SAMD14: variants seen among roughly 807,000 people sequenced by gnomAD.
SAMD14 encodes the protein sterile alpha motif domain-containing protein 14.
Under a neutral mutation model 46.2 loss-of-function variants are expected in SAMD14, and 27 were observed. The observed-to-expected ratio is 0.58, with a 90% CI of 0.43 to 0.81. The LOEUF is 0.81. Among genes scored for constraint, SAMD14 ranks in the 30% least tolerant of loss-of-function variants. SAMD14 has a pLI of 0.00. For synonymous variants in SAMD14, 241 were observed against 254.3 expected (o/e 0.95, Z 0.50); for missense variants, 559 against 582.2 (o/e 0.96, Z 0.41).
intron 1 of SAMD14, among the ~76,000 whole-genome samples, chr17:50,128,512 A>ACACC (rs56176180): frequency 7.3e-6 from 1 of 137,196 alleles, no homozygotes; most frequent in Non-Finnish European, 1.6e-5. Flanking sequence ...ACACACACAC[A>ACACC]CCCCCATTCA....
chr17:50,113,709 G>C lies in SAMD14; in HGVS notation c.1098+215C>G, dbSNP rs921853487. 18 of 590,296 alleles carry C rather than the reference G, an allele frequency of 3.0e-5. No individual in the cohort carries two copies. In the Middle Eastern group the frequency reaches 1.4e-3, roughly 44 times the overall value. 36.6% of individuals were successfully genotyped at this position (590,296 alleles called of 1,614,324 possible). A position where few individuals can be genotyped will look rare whatever the true frequency, so the allele number is the denominator to read the frequency against. On this transcript the variant is annotated intron_variant, in intron 9 of 9. Coordinates refer to ENST00000330175, the MANE Select transcript of SAMD14 (RefSeq NM_001257359.2). The stretch of plus-strand genomic sequence containing the variant: ...GGTCACACTGAAGTCATGGACTAGA[G>C]TTTCAAGTCAAACTAGGGATTCATG...
At position 50,118,288 on chromosome 17, in the gene SAMD14, C is replaced by T; in HGVS notation, c.83G>A (p.Ser28Asn). 6.2e-7 allele frequency: 1 copy of T among 1,613,868 alleles called. No homozygotes were observed. Residue 28 changes from serine to asparagine, a missense_variant, in exon 3 of 10, where the codon AGC becomes AAC. Ser to Asn is a conservative substitution (Grantham distance 46). Coordinates refer to ENST00000330175, the MANE Select transcript of SAMD14 (RefSeq NM_001257359.2). The part of the protein sequence containing the change: ...LAVPETARLD[S>N]SLHKARAQLL... The stretch of plus-strand genomic sequence containing the variant: ...TTGGGCCCGGGCCTTGTGTAAACTG[C>T]TGTCCAGTCTGGCCGTCTCTGGCAC...
At chr17:50,127,259 A>G (rs141754577) in intron 1 of SAMD14, among the ~76,000 whole-genome samples, 77 of 152,294 alleles carry the variant, frequency 5.1e-4, no homozygotes, top group Middle Eastern at 3.4e-3. Context: ...AGAGATAAGC[A>G]TAGAGGGAGG....
chr17:50,122,955 C>T (rs1023038963), intron 2 of SAMD14, among the ~76,000 whole-genome samples: 1 of 151,986 alleles, frequency 6.6e-6, no homozygotes, highest in Non-Finnish European at 1.5e-5. Context: ...TGGGGCTGAG[C>T]TGGGGGAGGG....
intron 1 of SAMD14, among the ~76,000 whole-genome samples, chr17:50,128,472 G>T (rs1045980190): frequency 1.2e-5 from 1 of 84,540 alleles, no homozygotes; most frequent in African/African-American, 5.9e-5. Flanking sequence ...CACACACCCC[G>T]CACACTCTCT....
chr17:50,124,755 GCGTGCA>G (rs1185460581), intron 2 of SAMD14, among the ~76,000 whole-genome samples, 156 bp downstream of exon 2: 1 of 102,462 alleles, frequency 9.8e-6, no homozygotes, highest in African/African-American at 4.2e-5. Flanking sequence ...ATACCTGCAC[GCGTGCA>G]CGCGCGCGCG....
At chr17:50,120,741 C>T (rs1911463030) in intron 2 of SAMD14, among the ~76,000 whole-genome samples, 1 of 152,158 alleles carries the variant, frequency 6.6e-6, no homozygotes, top group Non-Finnish European at 1.5e-5. Flanking sequence ...AGGGCCTTTG[C>T]ACCTCCTCTG....
At position 50,116,097 on chromosome 17, in the gene SAMD14, A is replaced by C; in HGVS notation, c.500-7T>G. The C allele has an allele frequency of 6.2e-7, 1 of 1,609,750 alleles. No individual in the cohort carries two copies. Among genetic ancestry groups the C allele is most frequent in the Non-Finnish European group, 8.5e-7 (1 of 1,176,876 alleles). ...CTGGCGTCACGGCTGTCATCTTTCC[A>C]GGGAGAGAAGGAAGGAAACTGCCTG... On this transcript the variant is annotated splice_region_variant and splice_polypyrimidine_tract_variant and intron_variant, in intron 4 of 9. Transcript: ENST00000330175.
Position 50,117,592 on chromosome 17 carries a change from A to C in SAMD14, c.314T>G (p.Leu105Trp). ...CTCGTCCTCGTCCAGGCTGCGCCGC[A>C]ACCCCGGAGGATCCAGGCAGAAAGA... is the stretch of plus-strand genomic sequence containing the variant. ...GGSFCLDPPG[L>W]RRSLDEDEPP... The change falls in exon 4 of 10, where the codon TTG becomes TGG. Residue 105 changes from leucine (L) to tryptophan (W), a missense_variant. Coordinates refer to ENST00000330175, the MANE Select transcript of SAMD14 (RefSeq NM_001257359.2). 8 of 1,554,692 alleles carry C rather than the reference A, an allele frequency of 5.1e-6. No individual in the cohort carries two copies. Among genetic ancestry groups the C allele is most frequent in the Non-Finnish European group, 5.2e-6 (6 of 1,160,308 alleles).
In SAMD14 at chr17:50,129,073, C is replaced by G. The variant is rs916023782; in HGVS notation, c.-13+444G>C. ...CCCTTCCCATATCGCCGGCCGTCCACTGGCCCCAGGCTTGGGGTAGTCCTC... is the reference window on the plus strand; with the variant it reads ...CCCTTCCCATATCGCCGGCCGTCCAGTGGCCCCAGGCTTGGGGTAGTCCTC... On this transcript the variant is annotated intron_variant, in intron 1 of 9. Transcript: ENST00000330175. This position sits in a 1 kb window ranked among gnomAD's most constrained non-coding sequence, Gnocchi z 5.6. 1.3e-5 allele frequency among the ~76,000 whole-genome samples: 2 copies of G among 152,146 alleles called. No homozygotes were observed. The highest frequency in any genetic ancestry group is 4.8e-5 in the African/African-American group (2 of 41,412).
rs1271967165 is a variant in SAMD14, at chr17:50,110,727, G to C, written c.*2166C>G. The C allele has an allele frequency of 2.0e-5, 3 of 152,216 alleles. No homozygotes were observed. The highest frequency in any genetic ancestry group is 7.2e-5 in the African/African-American group (3 of 41,420). The allele number at this position is 152,216 out of a possible 1,614,324, so 9.4% of individuals were successfully genotyped here. On this transcript the variant is annotated 3_prime_UTR_variant, in exon 10 of 10. Transcript: ENST00000330175. ...TGTTAGACCGAGAGCTTGCCATCCA[G>C]CCAAGCTGCTCGAGGCCCTGCAGTG...
chr17:50,118,082 A>G (rs1008825010), intron 3 of SAMD14, 79 bp downstream of exon 3: 4 of 1,436,512 alleles, frequency 2.8e-6, no homozygotes, highest in Non-Finnish European at 3.7e-6. Flanking sequence ...CTGGAAGAGC[A>G]CTCTGGAGAG....
At position 50,111,120 on chromosome 17, in the gene SAMD14, G is replaced by A. The variant is rs530305665; in HGVS notation, c.*1773C>T. 2.6e-5 allele frequency: 4 copies of A among 152,478 alleles called. No individual in the cohort carries two copies. The South Asian group carries it at 8.3e-4, about 32-fold the overall frequency. 9.4% of individuals were successfully genotyped at this position (152,478 alleles called of 1,614,324 possible). Reference sequence around the variant, plus strand: ...ACGTGCGCACGTACACACGCACACTGCGGTGCCCTGTGACCACCACATGAC... The same window carrying A: ...ACGTGCGCACGTACACACGCACACTACGGTGCCCTGTGACCACCACATGAC... On this transcript the variant is annotated 3_prime_UTR_variant, in exon 10 of 10. Transcript: ENST00000330175.
chr17:50,117,700 A>C lies in SAMD14; in HGVS notation c.211-5T>G. The C allele has an allele frequency of 7.0e-7, 1 of 1,434,908 alleles. No homozygotes were observed. Among genetic ancestry groups the C allele is most frequent in the Admixed American group, 2.7e-5 (1 of 37,162 alleles). The allele number at this position is 1,434,908 out of a possible 1,614,324, so 88.9% of individuals were successfully genotyped here. ...GCTCCCGCAGCCATCGGTCACCTGG[A>C]CGAGGGGGCAGCCGCTCACCGAGAA... On this transcript the variant is annotated splice_region_variant and splice_polypyrimidine_tract_variant and intron_variant, in intron 3 of 9. Transcript: ENST00000330175.
In SAMD14 at chr17:50,114,241, C is replaced by T. The variant is rs1911047945; in HGVS notation, c.888G>A (p.Trp296Ter). The change falls in exon 8 of 10, where the codon TGG (tryptophan) becomes TGA (stop). Residue 296 changes from tryptophan to a stop codon, truncating the protein, a stop_gained. Coordinates refer to ENST00000330175, the MANE Select transcript of SAMD14 (RefSeq NM_001257359.2). LOFTEE classifies it high-confidence loss of function. ...AGGGGTAAGAACATTTGGCCTCCTG[C>T]CAGGGCCCACTGGGGATCTTGGGGC... ...SSSPKIPSGP[W>*]QEAKCSYPYH... is the part of the protein sequence containing the mutation. 6.2e-7 allele frequency: 1 copy of T among 1,614,006 alleles called. No homozygotes were observed. The highest frequency in any genetic ancestry group is 8.5e-7 in the Non-Finnish European group (1 of 1,180,024).
rs951917693 is a variant in SAMD14 at position 50,115,984 on chromosome 17, T to G, written c.587+19A>C. 26 of 1,613,742 alleles carry G rather than the reference T, an allele frequency of 1.6e-5. No individual in the cohort carries two copies. Among genetic ancestry groups the G allele is most frequent in the Non-Finnish European group, 2.2e-5 (26 of 1,179,826 alleles). ...CCCAGCAGCTCCAAGCCCTGCGATC[T>G]AGCCCCGCCTCCACTCACCCCAGGT... On this transcript the variant is annotated intron_variant, in intron 5 of 9. Transcript: ENST00000330175. This position sits in a 1 kb window ranked among gnomAD's most constrained non-coding sequence, Gnocchi z 5.3.
rs1485799888 is a variant in SAMD14, at chr17:50,112,444, G to A, written c.*449C>T. The A allele has an allele frequency of 6.5e-6, 1 of 154,844 alleles. No homozygotes were observed. Among genetic ancestry groups the A allele is most frequent in the Non-Finnish European group, 1.4e-5 (1 of 69,968 alleles). The allele number at this position is 154,844 out of a possible 1,614,324, so 9.6% of individuals were successfully genotyped here. A position where few individuals can be genotyped will look rare whatever the true frequency, so the allele number is the denominator to read the frequency against. On this transcript the variant is annotated 3_prime_UTR_variant, in exon 10 of 10. Transcript: ENST00000330175. ...AGTGGAGAGGAGCCGCTCCCACATG[G>A]GCTCCTGCTGAAATGCCCAGCCCAG...
chr17:50,118,045 G>C, intron 3 of SAMD14, 116 bp downstream of exon 3: 1 of 1,137,088 alleles, frequency 8.8e-7, no homozygotes, highest in Non-Finnish European at 1.2e-6. Context: ...AGCATTACTA[G>C]GTCAGGAGTC....
chr17:50,124,767 GCGCGCACACA>G lies in SAMD14; in HGVS notation c.43+140_43+149del, dbSNP rs1911678999. 27 of 498,552 alleles carry G rather than the reference GCGCGCACACA, an allele frequency of 5.4e-5. 1 individual carries two copies. The highest frequency in any genetic ancestry group is 1.3e-4 in the African/African-American group (3 of 23,500). The allele number at this position is 498,552 out of a possible 1,614,324, so 30.9% of individuals were successfully genotyped here. Reference sequence around the variant, plus strand: ...ACAATACCTGCACGCGTGCACGCGCGCGCGCACACACACACACACACACACACACACACAC... The same window carrying G: ...ACAATACCTGCACGCGTGCACGCGCGCACACACACACACACACACACACAC... On this transcript the variant is annotated intron_variant, in intron 2 of 9. Transcript: ENST00000330175.
Sources: allele counts gnomAD v4.1 joint callset (sites outside exome capture counted in the v4.1 genomes callset), GRCh38; gene constraint gnomAD v4.1.1; non-coding constraint Gnocchi (gnomAD v3.1); transcripts MANE v1.5; gene names NCBI Gene and HGNC (gene_info 2026-07-23, HGNC 2026-07-21).